The following EPHA6 variants were observed in gnomAD, a reference collection of about 807,000 sequenced individuals.
EPHA6 encodes the protein ephrin type-A receptor 6.
EPHA6 carries 50 observed loss-of-function variants against 112.0 expected under a neutral mutation model. The ratio of observed to expected loss-of-function variants is 0.45; its 90% CI spans 0.36 to 0.56. The LOEUF (loss-of-function observed/expected upper bound fraction) is 0.56, where lower values mean the gene tolerates loss of function less well. EPHA6 is among the 20% of genes least tolerant of loss of function. The pLI is 0.00. For missense variants in EPHA6, 1,280 were observed against 1,417.4 expected (o/e 0.90, Z 1.56); for synonymous variants, 529 against 490.7 (o/e 1.08, Z -1.03).
chr3:97,502,137 C>A lies in EPHA6; in HGVS notation c.2200+18078C>A, dbSNP rs921342029. 7.3e-5 allele frequency among the ~76,000 whole-genome samples: 11 copies of A among 150,306 alleles called. No individual in the cohort carries two copies. The South Asian group carries it at 1.3e-3, about 17-fold the overall frequency. Reference sequence around the variant, plus strand: ...CATGATAACATTGAGGCTGTTTTGACCTAAGAGCAAGATTTACAGTAACTA... The same window carrying A: ...CATGATAACATTGAGGCTGTTTTGAACTAAGAGCAAGATTTACAGTAACTA... On this transcript the variant is annotated intron_variant, in intron 10 of 17. Transcript: ENST00000389672.
chr3:97,645,229 G>A (rs1227902110), intron 14 of EPHA6, among the ~76,000 whole-genome samples: 32 of 148,102 alleles, frequency 2.2e-4, no homozygotes, highest in African/African-American at 7.0e-4. Flanking sequence ...TGTTTATTGC[G>A]GCATTATTCA....
At chr3:97,106,878 A>G (rs2047586028) in intron 3 of EPHA6, among the ~76,000 whole-genome samples, 1 of 152,078 alleles carries the variant, frequency 6.6e-6, no homozygotes, top group Admixed American at 6.6e-5. Context: ...GGATAAGGAA[A>G]TTTTTCTCAT....
chr3:97,407,820 T>C (rs1253552311), intron 6 of EPHA6, among the ~76,000 whole-genome samples: 1 of 152,090 alleles, frequency 6.6e-6, no homozygotes, highest in East Asian at 1.9e-4. Context: ...AGACATCATC[T>C]GCTCCCAACT....
chr3:97,329,740 G>A (rs953002493), intron 5 of EPHA6, among the ~76,000 whole-genome samples: 1 of 151,996 alleles, frequency 6.6e-6, no homozygotes, highest in Non-Finnish European at 1.5e-5. Context: ...TGGGTAGATT[G>A]CAAAAATTTT....
chr3:97,276,541 T>C (rs886722144), intron 5 of EPHA6, among the ~76,000 whole-genome samples: 2 of 152,072 alleles, frequency 1.3e-5, no homozygotes, highest in Admixed American at 6.5e-5. Context: ...CTGGGGTTTG[T>C]CTCATAGTGG....
At chr3:97,353,151 G>C (rs563476310) in intron 5 of EPHA6, among the ~76,000 whole-genome samples, 173 of 152,134 alleles carry the variant, frequency 1.1e-3, no homozygotes, top group Non-Finnish European at 1.2e-3. Flanking sequence ...TACCAAGGCA[G>C]TACTCACCAC....
chr3:96,947,312 A>C (rs553859593), intron 2 of EPHA6, among the ~76,000 whole-genome samples: 1 of 152,226 alleles, frequency 6.6e-6, no homozygotes, highest in Admixed American at 6.5e-5. Context: ...TTATGGTTTT[A>C]GGTCTAACAT....
In EPHA6 at chr3:97,736,086, T is replaced by A. The variant is rs1413283634; in HGVS notation, c.3096T>A (p.Ser1032Arg). The A allele has an allele frequency of 6.2e-7, 1 of 1,612,358 alleles. No individual in the cohort carries two copies. The highest frequency in any genetic ancestry group is 1.1e-5 in the South Asian group (1 of 91,006). Residue 1032 changes from serine to arginine, a missense_variant, in exon 16 of 18, where the codon AGT (serine) becomes AGA (arginine). Ser to Arg is a moderately radical substitution (Grantham distance 110). This residue lies in a region of EPHA6 where 145 missense variants were observed against 153.3 expected (regional missense o/e 0.95). Transcript: ENST00000389672. The part of the protein sequence containing the change: ...SFLDKLIRNP[S>R]ALHTLVEDIL... ...TTGACAAACTGATCCGAAATCCCAG[T>A]GCCCTTCACACCCTGGTGGAGGACA...
chr3:96,990,205 C>T (rs1042440079), intron 3 of EPHA6, among the ~76,000 whole-genome samples: 34 of 152,026 alleles, frequency 2.2e-4, no homozygotes, highest in Admixed American at 5.2e-4. Context: ...AGTAACCAAC[C>T]GTGATGTCTA....
At chr3:97,418,365 CAT>C (rs2088310978) in intron 6 of EPHA6, among the ~76,000 whole-genome samples, 1 of 151,912 alleles carries the variant, frequency 6.6e-6, no homozygotes, top group African/African-American at 2.4e-5. Context: ...GGAAGTATAA[CAT>C]GTTCAAAATA....
chr3:97,691,187 A>G (rs1469568080), intron 14 of EPHA6, among the ~76,000 whole-genome samples: 1 of 152,216 alleles, frequency 6.6e-6, no homozygotes, highest in Non-Finnish European at 1.5e-5. Flanking sequence ...CCATTTGTTG[A>G]AAGACTATAT....
intron 5 of EPHA6, among the ~76,000 whole-genome samples, chr3:97,349,141 A>T (rs1449633012): frequency 6.6e-6 from 1 of 152,058 alleles, no homozygotes; most frequent in East Asian, 1.9e-4. Context: ...ATCAATTTCC[A>T]CACATTATTA....
chr3:97,622,268 C>T (rs2093819932), intron 13 of EPHA6, among the ~76,000 whole-genome samples: 1 of 151,828 alleles, frequency 6.6e-6, no homozygotes, highest in South Asian at 2.1e-4. Context: ...CTTCCCCCAG[C>T]CCCTGGCAAA....
intron 10 of EPHA6, among the ~76,000 whole-genome samples, chr3:97,511,432 A>T (rs1160888199): frequency 6.6e-6 from 1 of 152,066 alleles, no homozygotes; most frequent in East Asian, 1.9e-4. Flanking sequence ...TGGCTAGAGG[A>T]GGGGGTTCCT....
intron 11 of EPHA6, among the ~76,000 whole-genome samples, chr3:97,546,856 G>A (rs563655416): frequency 1.3e-4 from 20 of 152,166 alleles, no homozygotes; most frequent in Admixed American, 9.8e-4. Flanking sequence ...GTTGATCACA[G>A]CGGCTACTGA....
intron 2 of EPHA6, among the ~76,000 whole-genome samples, chr3:96,929,118 T>C (rs894245799): frequency 3.9e-5 from 6 of 152,186 alleles, no homozygotes; most frequent in African/African-American, 1.4e-4. Flanking sequence ...TCCAACAGCC[T>C]GAGCTGTACC....
At chr3:97,140,295 T>G (rs1348098331) in intron 3 of EPHA6, among the ~76,000 whole-genome samples, 1 of 152,148 alleles carries the variant, frequency 6.6e-6, no homozygotes, top group Non-Finnish European at 1.5e-5. Flanking sequence ...ATTTCCCTGG[T>G]CTTGCCAGAG....
At position 96,856,281 on chromosome 3, in the gene EPHA6, C is replaced by T. The variant is rs548218267; in HGVS notation, c.386-10544C>T. Among the ~76,000 whole-genome samples the T allele has an allele frequency of 3.9e-3, 593 of 152,002 alleles. 2 individuals are homozygous for T. Among genetic ancestry groups the T allele is most frequent in the Non-Finnish European group, 6.0e-3 (407 of 67,908 alleles). On this transcript the variant is annotated intron_variant, in intron 1 of 17. Coordinates refer to ENST00000389672, the MANE Select transcript of EPHA6 (RefSeq NM_001080448.3). ...ATGGGCAGTTTATGACAGAAGCAAC[C>T]TGGCCACCTAATATTGGACTCTATG...
intron 3 of EPHA6, among the ~76,000 whole-genome samples, chr3:97,188,344 A>G (rs2077212022): frequency 6.6e-6 from 1 of 152,086 alleles, no homozygotes; most frequent in African/African-American, 2.4e-5. Context: ...ATAAATTTAA[A>G]AAATATATTT....
Sources: gnomAD v4.1 joint callset for allele counts (sites outside exome capture counted in the v4.1 genomes callset) on GRCh38, gnomAD v4.1.1 for gene constraint, gnomAD v4.1.1 regional missense constraint, MANE v1.5 for transcripts, NCBI Gene and HGNC (gene_info 2026-07-23, HGNC 2026-07-21) for gene names.